Variants in SCN8A observed in about 807,000 individuals in gnomAD.
SCN8A encodes sodium voltage-gated channel alpha subunit 8.
SCN8A carries 30 observed loss-of-function variants against 184.1 expected under a neutral mutation model. The ratio of observed to expected loss-of-function variants is 0.16; its 90% confidence interval spans 0.12 to 0.22. The LOEUF (loss-of-function observed/expected upper bound fraction) is 0.22, where lower values mean the gene tolerates loss of function less well. Among genes scored for constraint, SCN8A ranks in the 10% least tolerant of loss-of-function variants. The pLI, the probability that SCN8A is intolerant of heterozygous loss-of-function variation, is 1.00. For missense variants in SCN8A, 1,057 were observed against 2,498.9 expected, an observed-to-expected ratio of 0.42 and a Z score of 12.30; for synonymous variants, 852 against 907.0, an observed-to-expected ratio of 0.94 and a Z score of 1.09.
intron 1 of SCN8A, among the ~76,000 whole-genome samples, chr12:51,599,156 C>T (rs770171373): frequency 6.6e-6 from 1 of 152,062 alleles, no homozygotes; most frequent in African/African-American, 2.4e-5. Context: ...CATCAGTCAA[C>T]AAATATTTAG....
chr12:51,689,472 G>C, intron 6 of SCN8A: 1 of 186,810 alleles, frequency 5.4e-6, no homozygotes, highest in Non-Finnish European at 1.1e-5. Context: ...TGATTTCTAG[G>C]CTTCCTATCG....
rs535020426 is a variant in SCN8A, at chr12:51,808,638, G to C, written c.*1209G>C. 6.6e-6 allele frequency: 1 copy of C among 152,200 alleles called. No individual in the cohort carries two copies. Among genetic ancestry groups the C allele is most frequent in the Non-Finnish European group, 1.5e-5 (1 of 68,024 alleles). 9.4% of individuals were successfully genotyped at this position (152,200 alleles called of 1,614,324 possible). On this transcript the variant is annotated 3_prime_UTR_variant, in exon 27 of 27. Coordinates refer to ENST00000627620, the MANE Select transcript of SCN8A (RefSeq NM_001330260.2). The stretch of plus-strand genomic sequence containing the variant: ...TCAAAGTAGCACCAGTTATCTCTAG[G>C]GGTAATTTGGGGAACTTAAAATGAC...
intron 1 of SCN8A, among the ~76,000 whole-genome samples, chr12:51,602,392 C>T (rs189516891): frequency 2.2e-4 from 34 of 152,162 alleles, no homozygotes; most frequent in African/African-American, 7.9e-4. Context: ...TGTGAGTTAC[C>T]TAGAATAGTC....
At chr12:51,710,622 A>G (rs1017709365) in intron 11 of SCN8A, among the ~76,000 whole-genome samples, 1 of 152,146 alleles carries the variant, frequency 6.6e-6, no homozygotes, top group African/African-American at 2.4e-5. Flanking sequence ...TCTTACCACT[A>G]CACTCCTGCT....
chr12:51,758,961 T>C (rs1056105175), intron 14 of SCN8A, among the ~76,000 whole-genome samples: 3 of 150,962 alleles, frequency 2.0e-5, no homozygotes, highest in African/African-American at 7.4e-5. Flanking sequence ...CACACACATA[T>C]ACACATACAT....
At chr12:51,701,593 A>G (rs560593588) in intron 8 of SCN8A, among the ~76,000 whole-genome samples, 2 of 152,308 alleles carry the variant, frequency 1.3e-5, no homozygotes, top group African/African-American at 4.8e-5. Context: ...AGAGGAGGAA[A>G]AAGAGTAGCA....
chr12:51,801,042 C>G (rs1487854851), intron 26 of SCN8A, among the ~76,000 whole-genome samples: 7 of 152,104 alleles, frequency 4.6e-5, no homozygotes, highest in Non-Finnish European at 1.0e-4. Flanking sequence ...TCCACTTGAC[C>G]TGGAAGTTTT....
At chr12:51,754,211 A>G (rs1942638089) in intron 14 of SCN8A, among the ~76,000 whole-genome samples, 1 of 152,154 alleles carries the variant, frequency 6.6e-6, no homozygotes, top group South Asian at 2.1e-4. Context: ...AAATGTAATG[A>G]TTCTTTTCCT....
chr12:51,768,909 A>G lies in SCN8A; in HGVS notation c.2946A>G (p.Ala982=). 1 of 1,597,230 alleles carries G rather than the reference A, an allele frequency of 6.3e-7. No individual in the cohort carries two copies. Among genetic ancestry groups the G allele is most frequent in the African/African-American group, 1.3e-5 (1 of 74,750 alleles). ...CCTTGCTCCTGAGCTCCTTCAGTGCAGACAACCTGGCTGCCACAGATGACG... is the reference window on the plus strand; with the variant it reads ...CCTTGCTCCTGAGCTCCTTCAGTGCGGACAACCTGGCTGCCACAGATGACG... ...FLALLLSSFS[A]DNLAATDDDG... Residue 982 remains alanine (A), a synonymous_variant, in exon 17 of 27, where the codon GCA becomes GCG. Coordinates refer to ENST00000627620, the MANE Select transcript of SCN8A (RefSeq NM_001330260.2).
At chr12:51,714,725 G>A (rs541545228) in intron 11 of SCN8A, among the ~76,000 whole-genome samples, 1 of 152,264 alleles carries the variant, frequency 6.6e-6, no homozygotes, top group South Asian at 2.1e-4. Context: ...GCCTCATCTT[G>A]ACAGACAATT....
At position 51,769,243 on chromosome 12, in the gene SCN8A, G is replaced by A. The variant is rs575624653; in HGVS notation, c.3280G>A (p.Val1094Ile). ...CTTCATCAACAACCCCAACTTGACT[G>A]TACGGGTACCCATTGCTGTGGGCGA... The part of the protein sequence containing the change: ...MSFINNPNLT[V>I]RVPIAVGESD... The change falls in exon 17 of 27, where the codon GTA becomes ATA. Residue 1094 changes from valine to isoleucine, a missense_variant. Coordinates refer to ENST00000627620, the MANE Select transcript of SCN8A (RefSeq NM_001330260.2). 2.5e-6 allele frequency: 4 copies of A among 1,613,644 alleles called. No individual in the cohort carries two copies. The highest frequency in any genetic ancestry group is 3.3e-5 in the Admixed American group (2 of 60,016).
rs191633645 is a variant in SCN8A, at chr12:51,634,375, T to C, written c.-54-28389T>C. On this transcript the variant is annotated intron_variant, in intron 1 of 26. Transcript: ENST00000627620. ...AGAGGAATTGTATGGAAAAGAATTA[T>C]ACAGGGGCGTCCATTGTGTCTGCAA... Among the ~76,000 whole-genome samples the C allele has an allele frequency of 1.8e-3, 276 of 152,276 alleles. 2 individuals are homozygous for C. Among genetic ancestry groups the C allele is most frequent in the African/African-American group, 6.4e-3 (266 of 41,570 alleles).
intron 2 of SCN8A, among the ~76,000 whole-genome samples, chr12:51,665,411 AT>A (rs1160244748): frequency 3.3e-5 from 5 of 152,094 alleles, no homozygotes; most frequent in African/African-American, 9.7e-5. Context: ...AACTTTAATA[AT>A]TTTTTTTGGT....
rs1177303629 is a variant in SCN8A at position 51,808,608 on chromosome 12, G to A, written c.*1179G>A. The stretch of plus-strand genomic sequence containing the variant: ...ACTTATTTGGGGTAGAGATAAAAGT[G>A]CTTTTCAAAGTAGCACCAGTTATCT... On this transcript the variant is annotated 3_prime_UTR_variant, in exon 27 of 27. Transcript: ENST00000627620. The A allele has an allele frequency of 6.6e-6, 1 of 152,234 alleles. No homozygotes were observed. Among genetic ancestry groups the A allele is most frequent in the African/African-American group, 2.4e-5 (1 of 41,450 alleles). The allele number at this position is 152,234 out of a possible 1,614,324, so 9.4% of individuals were successfully genotyped here.
chr12:51,652,663 C>T (rs1427292152), intron 1 of SCN8A, among the ~76,000 whole-genome samples: 1 of 152,124 alleles, frequency 6.6e-6, no homozygotes, highest in Non-Finnish European at 1.5e-5. Flanking sequence ...ATTTCTTCTT[C>T]CTGCAAAGCT....
intron 15 of SCN8A, among the ~76,000 whole-genome samples, chr12:51,763,927 G>C (rs1942799595): frequency 6.6e-6 from 1 of 152,236 alleles, no homozygotes; most frequent in Non-Finnish European, 1.5e-5. Flanking sequence ...TTGTAAAACA[G>C]AGATTTCACT....
intron 21 of SCN8A, among the ~76,000 whole-genome samples, chr12:51,785,755 A>C (rs1000474556): frequency 9.2e-5 from 14 of 152,186 alleles, no homozygotes; most frequent in Admixed American, 2.6e-4. Flanking sequence ...GATCTAACCC[A>C]AAACTCTCTT....
intron 12 of SCN8A, among the ~76,000 whole-genome samples, chr12:51,736,868 C>G (rs543251152): frequency 2.6e-5 from 4 of 152,206 alleles, no homozygotes; most frequent in African/African-American, 9.7e-5. Context: ...ACAAGCTCCG[C>G]TTTTAGAGCT....
rs1938897224 is a variant in SCN8A at position 51,811,548 on chromosome 12, G to A, written c.*4119G>A. On this transcript the variant is annotated 3_prime_UTR_variant, in exon 27 of 27. Coordinates refer to ENST00000627620, the MANE Select transcript of SCN8A (RefSeq NM_001330260.2). ...CCTCCACTCTGCAAGCTCATACTGG[G>A]CCCTGCCCTCCATCGCCCCAGACAG... 6.6e-6 allele frequency: 1 copy of A among 152,358 alleles called. No individual in the cohort carries two copies. 9.4% of individuals were successfully genotyped at this position (152,358 alleles called of 1,614,324 possible). A position where few individuals can be genotyped will look rare whatever the true frequency, so the allele number is the denominator to read the frequency against.
Sources: allele counts gnomAD v4.1 joint callset (sites outside exome capture counted in the v4.1 genomes callset), GRCh38; gene constraint gnomAD v4.1.1; transcripts MANE v1.5; gene names NCBI Gene and HGNC (gene_info 2026-07-23, HGNC 2026-07-21).